RANBP2: variants seen among roughly 807,000 people sequenced by gnomAD.
The protein encoded by RANBP2 is RAN binding protein 2, also known as E3 SUMO-protein ligase RanBP2.
RANBP2 carries 57 observed loss-of-function variants against 303.6 expected under a neutral mutation model. The observed-to-expected ratio is 0.19, with a 90% CI of 0.15 to 0.23. RANBP2 has a LOEUF of 0.23. Among genes scored for constraint, RANBP2 ranks in the 10% least tolerant of loss-of-function variants. The pLI is 1.00. For synonymous variants in RANBP2, 1,167 were observed against 1,301.5 expected, an observed-to-expected ratio of 0.90 and a Z score of 2.23; for missense variants, 3,138 against 3,780.8, an observed-to-expected ratio of 0.83 and a Z score of 4.46.
At chr2:109,122,024 G>A in the RANBP2 span, among the ~76,000 whole-genome samples, 33 of 152,186 alleles carry the variant, frequency 2.2e-4, no homozygotes, top group Non-Finnish European at 4.4e-4. Flanking sequence ...GCTTGAGTCT[G>A]CTACTCAAGG....
chr2:109,376,522 C>T, the RANBP2 span, among the ~76,000 whole-genome samples: 1,004 of 152,260 alleles, frequency 6.6e-3, 4 homozygotes, highest in Non-Finnish European at 0.011. Context: ...GGGCCAGGAT[C>T]GTGATCCAAA....
chr2:109,358,731 C>G, the RANBP2 span, among the ~76,000 whole-genome samples: 4 of 152,156 alleles, frequency 2.6e-5, no homozygotes, highest in Non-Finnish European at 4.4e-5. Flanking sequence ...CAGTCTGTAG[C>G]GTGTCTTCTC....
the RANBP2 span, among the ~76,000 whole-genome samples, chr2:108,795,956 G>C: frequency 1.3e-5 from 2 of 152,216 alleles, no homozygotes; most frequent in East Asian, 3.8e-4. Context: ...TTGCAAGGAT[G>C]TATCTATCAT....
At chr2:108,867,653 G>A in the RANBP2 span, among the ~76,000 whole-genome samples, 6 of 152,150 alleles carry the variant, frequency 3.9e-5, 1 homozygote, top group South Asian at 1.2e-3. Context: ...ATACTGAAGA[G>A]GAAAATTCAT....
At chr2:108,858,852 A>T in the RANBP2 span, among the ~76,000 whole-genome samples, 10 of 152,124 alleles carry the variant, frequency 6.6e-5, no homozygotes, top group Non-Finnish European at 1.5e-4. Flanking sequence ...ACATTATTTC[A>T]TTATTTTTTA....
At chr2:108,948,678 GAACT>G in the RANBP2 span, among the ~76,000 whole-genome samples, 1 of 152,096 alleles carries the variant, frequency 6.6e-6, no homozygotes, top group African/African-American at 2.4e-5. Context: ...AATATCCTGA[GAACT>G]AACTCAATAT....
chr2:109,446,112 G>A, the RANBP2 span, among the ~76,000 whole-genome samples: 7 of 152,204 alleles, frequency 4.6e-5, no homozygotes, highest in African/African-American at 1.7e-4. Context: ...TCGGGGTTGG[G>A]GCACCCGGGG....
At chr2:109,279,359 A>G in the RANBP2 span, among the ~76,000 whole-genome samples, 1 of 152,222 alleles carries the variant, frequency 6.6e-6, no homozygotes, top group Admixed American at 6.5e-5. Context: ...CAATTAGGCT[A>G]AATCGGCAGT....
At chr2:109,306,315 TG>T in the RANBP2 span, among the ~76,000 whole-genome samples, 1 of 152,180 alleles carries the variant, frequency 6.6e-6, no homozygotes, top group Non-Finnish European at 1.5e-5. Flanking sequence ...CCTGCGATGT[TG>T]TTCTGACCCC....
At chr2:109,114,931 A>T in the RANBP2 span, among the ~76,000 whole-genome samples, 2 of 152,172 alleles carry the variant, frequency 1.3e-5, no homozygotes, top group African/African-American at 4.8e-5. Flanking sequence ...GTTTCCATGT[A>T]GTTGAGCAGT....
the RANBP2 span, among the ~76,000 whole-genome samples, chr2:109,081,341 A>G: frequency 6.6e-6 from 1 of 152,128 alleles, no homozygotes; most frequent in Non-Finnish European, 1.5e-5. Context: ...GGAAATATAC[A>G]TCACCTCCAG....
At chr2:109,712,139 C>T in the RANBP2 span, among the ~76,000 whole-genome samples, 1 of 152,210 alleles carries the variant, frequency 6.6e-6, no homozygotes, top group African/African-American at 2.4e-5. Context: ...GATTTCATGT[C>T]CAGGTAGGCT....
the RANBP2 span, among the ~76,000 whole-genome samples, chr2:108,803,327 C>T: frequency 6.6e-6 from 1 of 152,216 alleles, no homozygotes; most frequent in East Asian, 1.9e-4. Context: ...GCGGGATTCT[C>T]CCCACACTCT....
At chr2:108,991,327 T>C in the RANBP2 span, among the ~76,000 whole-genome samples, 2 of 152,242 alleles carry the variant, frequency 1.3e-5, no homozygotes, top group Admixed American at 6.5e-5. Flanking sequence ...TTTGAAGATA[T>C]GTGATTTTCT....
At chr2:109,132,282 G>A in the RANBP2 span, among the ~76,000 whole-genome samples, 1 of 152,106 alleles carries the variant, frequency 6.6e-6, no homozygotes, top group South Asian at 2.1e-4. Context: ...GTAAGTATTG[G>A]CATAGCTTGT....
At chr2:109,003,703 G>A in the RANBP2 span, among the ~76,000 whole-genome samples, 3 of 152,082 alleles carry the variant, frequency 2.0e-5, no homozygotes, top group African/African-American at 7.2e-5. Flanking sequence ...GAGCCACTGC[G>A]CCCAGCCAGT....
At chr2:109,065,439 C>T in the RANBP2 span, among the ~76,000 whole-genome samples, 7 of 152,086 alleles carry the variant, frequency 4.6e-5, no homozygotes, top group African/African-American at 1.7e-4. Context: ...TCTTGCTGGG[C>T]GTCACTCCCA....
At chr2:109,693,904 C>A in the RANBP2 span, among the ~76,000 whole-genome samples, 1 of 152,174 alleles carries the variant, frequency 6.6e-6, no homozygotes, top group Non-Finnish European at 1.5e-5. Flanking sequence ...ATAACTGAGA[C>A]CTGTCTCAGA....
chr2:109,418,145 C>A, the RANBP2 span, among the ~76,000 whole-genome samples: 59 of 152,270 alleles, frequency 3.9e-4, no homozygotes, highest in African/African-American at 1.3e-3. Flanking sequence ...GTACCTGCAG[C>A]CTGGCCCCGT....
Sources: gnomAD v4.1 joint callset for allele counts (sites outside exome capture counted in the v4.1 genomes callset) on GRCh38, gnomAD v4.1.1 for gene constraint, MANE v1.5 for transcripts, NCBI Gene and HGNC (gene_info 2026-07-23, HGNC 2026-07-21) for gene names.